The following KDM1B variants were observed in gnomAD, a reference collection of about 807,000 sequenced individuals.
KDM1B encodes the protein lysine demethylase 1B.
A neutral mutation model predicts 107.4 loss-of-function variants in KDM1B; 63 were observed. The ratio of observed to expected loss-of-function variants is 0.59; its 90% CI spans 0.48 to 0.72. The LOEUF is 0.72. Ranked by LOEUF, KDM1B falls within the 30% of genes least tolerant of loss-of-function variation. The pLI is 0.00. For missense variants in KDM1B, 749 were observed against 1,020.8 expected, an observed-to-expected ratio of 0.73 and a Z score of 3.63; for synonymous variants, 363 against 363.9, an observed-to-expected ratio of 1.00 and a Z score of 0.03.
In KDM1B at chr6:18,209,315, C is replaced by T. The variant is rs1456244197; in HGVS notation, c.1866+1109C>T. Among the ~76,000 whole-genome samples, 1 of 152,158 alleles carries T rather than the reference C, an allele frequency of 6.6e-6. No individual in the cohort carries two copies. Among genetic ancestry groups the T allele is most frequent in the Non-Finnish European group, 1.5e-5 (1 of 68,036 alleles). ...ACTATGAAAAAATATAATTGATGAA[C>T]TATCACTAGTTCCTAGACTAGCTAT... On this transcript the variant is annotated intron_variant, in intron 17 of 21. Transcript: ENST00000650836. This position sits in a 1 kb window ranked among gnomAD's most constrained non-coding sequence, Gnocchi z 4.3.
intron 14 of KDM1B, among the ~76,000 whole-genome samples, chr6:18,202,439 T>C (rs754175241): frequency 5.3e-5 from 8 of 152,292 alleles, no homozygotes; most frequent in Middle Eastern, 3.4e-3. Context: ...TTTTGGCTTT[T>C]GTACTTAAAT....
intron 5 of KDM1B, among the ~76,000 whole-genome samples, chr6:18,165,628 G>C (rs1291550204): frequency 6.6e-6 from 1 of 152,070 alleles, no homozygotes; most frequent in African/African-American, 2.4e-5. Context: ...TTCGGGACCA[G>C]CCTGGCCAAC....
chr6:18,171,474 ATTAAGGTATGTTCTC>A lies in KDM1B; in HGVS notation c.532_534+12del. The A allele has an allele frequency of 6.5e-7, 1 of 1,536,454 alleles. No homozygotes were observed. The highest frequency in any genetic ancestry group is 9.0e-7 in the Non-Finnish European group (1 of 1,109,080). On this transcript the variant is annotated splice_donor_variant and splice_donor_5th_base_variant and coding_sequence_variant and intron_variant, in exon 7 of 22. Coordinates refer to ENST00000650836, the MANE Select transcript of KDM1B (RefSeq NM_001364614.2). LOFTEE classifies it high-confidence loss of function. Reference sequence around the variant, plus strand: ...ATGCGGTATGAAACCAAATACTGCTATTAAGGTATGTTCTCTTTTTGCTTTTGAGTTAATTGATAT... The same window carrying A: ...ATGCGGTATGAAACCAAATACTGCTATTTTTGCTTTTGAGTTAATTGATAT...
At chr6:18,170,905 T>C (rs920218041) in intron 6 of KDM1B, among the ~76,000 whole-genome samples, 52 of 151,074 alleles carry the variant, frequency 3.4e-4, no homozygotes, top group Non-Finnish European at 3.7e-4. Flanking sequence ...ACTGCAAGCT[T>C]CGCCTCCCGG....
In KDM1B at chr6:18,184,394, C is replaced by T. The variant is rs1015056648; in HGVS notation, c.535-1378C>T. Among the ~76,000 whole-genome samples, 10 of 151,410 alleles carry T rather than the reference C, an allele frequency of 6.6e-5. No homozygotes were observed. In the East Asian group the frequency reaches 1.8e-3, roughly 27 times the overall value. On this transcript the variant is annotated intron_variant, in intron 7 of 21. Transcript: ENST00000650836. The stretch of plus-strand genomic sequence containing the variant: ...GGTTCAAGTGATTCTCCTGCCTGAG[C>T]CTCCCAAGTACCTGGGATTACAGGT...
rs1455276159 is a variant in KDM1B at position 18,209,713 on chromosome 6, C to G, written c.1866+1507C>G. ...CTCGAGCAACTGGGTTCAAGGGATC[C>G]TCTCACCTGAGCCTCCCTCGAGTAG... is the stretch of plus-strand genomic sequence containing the variant. On this transcript the variant is annotated intron_variant, in intron 17 of 21. Transcript: ENST00000650836. This position sits in a 1 kb window ranked among gnomAD's most constrained non-coding sequence, Gnocchi z 4.3. Among the ~76,000 whole-genome samples the G allele has an allele frequency of 1.3e-5, 2 of 152,126 alleles. No individual in the cohort carries two copies. The highest frequency in any genetic ancestry group is 2.9e-5 in the Non-Finnish European group (2 of 68,016).
intron 17 of KDM1B, among the ~76,000 whole-genome samples, chr6:18,208,603 G>GTATATGTA (rs1554149814): frequency 5.7e-5 from 2 of 34,916 alleles, no homozygotes; most frequent in African/African-American, 2.3e-4. Context: ...GTATGTGTAT[G>GTATATGTA]TATATATATA....
In KDM1B at chr6:18,166,045, A is replaced by C. The variant is rs942470; in HGVS notation, c.306-222A>C. ...AGAAAAAAATTTAATTTCTCTTTCA[A>C]ATAACACTATGCCTTTCTTAGTTTT... is the stretch of plus-strand genomic sequence containing the variant. On this transcript the variant is annotated intron_variant, in intron 5 of 21. Coordinates refer to ENST00000650836, the MANE Select transcript of KDM1B (RefSeq NM_001364614.2). Among the ~76,000 whole-genome samples the C allele has an allele frequency of 6.6e-6, 1 of 151,910 alleles. No homozygotes were observed. Among genetic ancestry groups the C allele is most frequent in the Non-Finnish European group, 1.5e-5 (1 of 67,976 alleles).
At chr6:18,184,359 C>G in intron 7 of KDM1B, among the ~76,000 whole-genome samples, 1 of 147,820 alleles carries the variant, frequency 6.8e-6, no homozygotes, top group African/African-American at 2.5e-5. Flanking sequence ...ACTCCAACTT[C>G]CGCCTTCCAG....
At position 18,205,482 on chromosome 6, in the gene KDM1B, A is replaced by G. The variant is rs1788305362; in HGVS notation, c.1532-55A>G. ...AGAGGTTGAAAGCAAAGGAGAAAGA[A>G]TTGGAGAATCTTGTTAAAGCTATTT... On this transcript the variant is annotated intron_variant, in intron 14 of 21. Coordinates refer to ENST00000650836, the MANE Select transcript of KDM1B (RefSeq NM_001364614.2). This position sits in a 1 kb window ranked among gnomAD's most constrained non-coding sequence, Gnocchi z 5.7. 1 of 1,515,802 alleles carries G rather than the reference A, an allele frequency of 6.6e-7. No homozygotes were observed. Among genetic ancestry groups the G allele is most frequent in the East Asian group, 2.6e-5 (1 of 38,970 alleles). 93.9% of individuals were successfully genotyped at this position (1,515,802 alleles called of 1,614,324 possible). A position where few individuals can be genotyped will look rare whatever the true frequency, so the allele number is the denominator to read the frequency against.
At chr6:18,218,496 C>T (rs1052171398) in intron 21 of KDM1B, among the ~76,000 whole-genome samples, 1 of 152,120 alleles carries the variant, frequency 6.6e-6, no homozygotes, top group Non-Finnish European at 1.5e-5. Flanking sequence ...AGACTTAGCC[C>T]ATTTAGTCTC....
At chr6:18,173,320 T>C (rs1259142464) in intron 7 of KDM1B, among the ~76,000 whole-genome samples, 2 of 152,202 alleles carry the variant, frequency 1.3e-5, no homozygotes, top group Admixed American at 1.3e-4. Context: ...TTTCATATGC[T>C]TATTGGCCAT....
intron 6 of KDM1B, among the ~76,000 whole-genome samples, chr6:18,170,495 T>G (rs1056816133): frequency 4.6e-5 from 7 of 152,134 alleles, no homozygotes; most frequent in Admixed American, 1.3e-4. Flanking sequence ...GATTTTTTTT[T>G]TTTAGACAGG....
chr6:18,174,576 C>T (rs1446262723), intron 7 of KDM1B, among the ~76,000 whole-genome samples: 1 of 152,150 alleles, frequency 6.6e-6, no homozygotes, highest in East Asian at 1.9e-4. Flanking sequence ...GCAGTATACA[C>T]TGCACCCTGT....
At position 18,213,861 on chromosome 6, in the gene KDM1B, C is replaced by G; in HGVS notation, c.2109+80C>G. On this transcript the variant is annotated intron_variant, in intron 19 of 21. Coordinates refer to ENST00000650836, the MANE Select transcript of KDM1B (RefSeq NM_001364614.2). This position sits in a 1 kb window ranked among gnomAD's most constrained non-coding sequence, Gnocchi z 5.9. ...ATGTGATAATTACTCACCTATCAAG[C>G]TCAGGAACTAACGAACATCATGGAG... is the stretch of plus-strand genomic sequence containing the variant. The G allele has an allele frequency of 6.7e-7, 1 of 1,488,358 alleles. No individual in the cohort carries two copies. The allele number at this position is 1,488,358 out of a possible 1,614,324, so 92.2% of individuals were successfully genotyped here. A position where few individuals can be genotyped will look rare whatever the true frequency, so the allele number is the denominator to read the frequency against.
chr6:18,214,911 T>A lies in KDM1B; in HGVS notation c.2110-96T>A. The stretch of plus-strand genomic sequence containing the variant: ...GGTGACAGAGCAAAACTCTGTCTCA[T>A]TTAAAACAAAACAAAACAAAAAACA... On this transcript the variant is annotated intron_variant, in intron 19 of 21. Transcript: ENST00000650836. This position sits in a 1 kb window ranked among gnomAD's most constrained non-coding sequence, Gnocchi z 4.4. 7.5e-7 allele frequency: 1 copy of A among 1,326,570 alleles called. No homozygotes were observed. The highest frequency in any genetic ancestry group is 1.0e-6 in the Non-Finnish European group (1 of 977,468). 82.2% of individuals were successfully genotyped at this position (1,326,570 alleles called of 1,614,324 possible).
intron 5 of KDM1B, 32 bp from the exon 6 acceptor site, chr6:18,166,235 T>C (rs1322340427): frequency 9.9e-7 from 1 of 1,009,814 alleles, no homozygotes; most frequent in Non-Finnish European, 1.6e-6. Context: ...ATCGATATAT[T>C]AATCGATATA....
chr6:18,217,976 C>G (rs1324620192), intron 21 of KDM1B, 91 bp downstream of exon 21: 1 of 1,335,110 alleles, frequency 7.5e-7, no homozygotes, highest in African/African-American at 1.5e-5. Flanking sequence ...AAAACCAATT[C>G]AAATACTGTC....
Position 18,214,900 on chromosome 6 carries a change from ACT to A in KDM1B, c.2110-104_2110-103del. 8.5e-7 allele frequency: 1 copy of A among 1,170,042 alleles called. No individual in the cohort carries two copies. The highest frequency in any genetic ancestry group is 1.2e-6 in the Non-Finnish European group (1 of 841,014). The allele number at this position is 1,170,042 out of a possible 1,614,324, so 72.5% of individuals were successfully genotyped here. ...ACTCCAGCCTGGGTGACAGAGCAAA[ACT>A]CTGTCTCATTTAAAACAAAACAAAA... On this transcript the variant is annotated intron_variant, in intron 19 of 21. Transcript: ENST00000650836. This position sits in a 1 kb window ranked among gnomAD's most constrained non-coding sequence, Gnocchi z 4.4.
Sources: allele counts gnomAD v4.1 joint callset (sites outside exome capture counted in the v4.1 genomes callset), GRCh38; gene constraint gnomAD v4.1.1; non-coding constraint Gnocchi (gnomAD v3.1); transcripts MANE v1.5; gene names NCBI Gene and HGNC (gene_info 2026-07-23, HGNC 2026-07-21).